The following DIP2A variants were observed in gnomAD, a reference collection of about 807,000 sequenced individuals.
DIP2A encodes the protein disco-interacting protein 2 homolog A.
In DIP2A, 85 loss-of-function variants were observed where a neutral mutation model predicts 177.4. The ratio of observed to expected loss-of-function variants is 0.48; its 90% confidence interval spans 0.40 to 0.57. The LOEUF is 0.57. DIP2A is among the 20% of genes least tolerant of loss of function. DIP2A has a pLI of 0.00. For missense variants in DIP2A, 1,791 were observed against 2,100.2 expected (o/e 0.85, Z 2.88); for synonymous variants, 886 against 881.8 (o/e 1.00, Z -0.08).
chr21:46,504,612 C>T lies in DIP2A; in HGVS notation c.784+123C>T, dbSNP rs548988027. 3.6e-4 allele frequency: 429 copies of T among 1,203,556 alleles called. 5 individuals carry two copies. The South Asian group carries it at 4.2e-3, about 12-fold the overall frequency. 74.6% of individuals were successfully genotyped at this position (1,203,556 alleles called of 1,614,324 possible). On this transcript the variant is annotated intron_variant, in intron 6 of 37. Transcript: ENST00000417564. ...AGCCAAACGTCAGTTTTAATCCATG[C>T]AGATAAATAGAAACCAGTGTGTGCA...
intron 33 of DIP2A, 138 bp from the exon 34 acceptor site, chr21:46,561,610 T>C: frequency 9.0e-7 from 1 of 1,109,068 alleles, no homozygotes; most frequent in African/African-American, 1.5e-5. Context: ...TCATGGCAGG[T>C]GTGCTGTGGA....
At chr21:46,517,271 G>T (rs2058629449) in intron 8 of DIP2A, among the ~76,000 whole-genome samples, 1 of 151,580 alleles carries the variant, frequency 6.6e-6, no homozygotes. Flanking sequence ...TAGAGATGGG[G>T]TTTCACTGTG....
chr21:46,524,860 T>G (rs1986907838), intron 8 of DIP2A, among the ~76,000 whole-genome samples: 1 of 147,092 alleles, frequency 6.8e-6, no homozygotes, highest in Admixed American at 7.1e-5. Context: ...CTTTTATGAT[T>G]TTTGCTTTTT....
At chr21:46,538,357 G>A in intron 15 of DIP2A, 126 bp from the exon 16 acceptor site, 1 of 1,346,772 alleles carries the variant, frequency 7.4e-7, no homozygotes, top group Non-Finnish European at 9.8e-7. Flanking sequence ...TTGTGACCTG[G>A]GAGCTAAGTG....
At chr21:46,544,742 A>C (rs2059958770) in intron 18 of DIP2A, among the ~76,000 whole-genome samples, 3 of 152,208 alleles carry the variant, frequency 2.0e-5, no homozygotes. Flanking sequence ...GCTCTGGAGC[A>C]GGAGATGGTG....
In DIP2A at chr21:46,553,985, G is replaced by A. The variant is rs543878014; in HGVS notation, c.3031-184G>A. ...TCGAGACCAGCCTGGCCAACATGGT[G>A]AAACCCCATCTCTACCAAAAAAAAG... On this transcript the variant is annotated intron_variant, in intron 25 of 37. Coordinates refer to ENST00000417564, the MANE Select transcript of DIP2A (RefSeq NM_015151.4). 192 of 697,472 alleles carry A rather than the reference G, an allele frequency of 2.8e-4. 1 individual carries two copies. Among genetic ancestry groups the A allele is most frequent in the Non-Finnish European group, 3.9e-4 (181 of 463,072 alleles). 43.2% of individuals were successfully genotyped at this position (697,472 alleles called of 1,614,324 possible). A position where few individuals can be genotyped will look rare whatever the true frequency, so the allele number is the denominator to read the frequency against.
intron 11 of DIP2A, 41 bp downstream of exon 11, chr21:46,533,688 T>A: frequency 6.2e-7 from 1 of 1,612,880 alleles, no homozygotes; most frequent in South Asian, 1.1e-5. Flanking sequence ...GTTCTGACTG[T>A]GGTCTGTGTT....
At chr21:46,574,128 T>C (rs927031213), downstream of DIP2A, among the ~76,000 whole-genome samples, 2 of 152,128 alleles carry the variant, frequency 1.3e-5, no homozygotes, top group African/African-American at 4.8e-5. Flanking sequence ...TCTCAATAGA[T>C]TTAAAAATAT....
Position 46,537,681 on chromosome 21 carries a change from C to A in DIP2A, c.1801+142C>A, listed in dbSNP as rs761808465. ...AGCTGTGGGACGTCTTTCTTGGTCACACCCCTGCCCAGGAATATGGGGGCT... is the reference window on the plus strand; with the variant it reads ...AGCTGTGGGACGTCTTTCTTGGTCAAACCCCTGCCCAGGAATATGGGGGCT... On this transcript the variant is annotated intron_variant, in intron 15 of 37. Coordinates refer to ENST00000417564, the MANE Select transcript of DIP2A (RefSeq NM_015151.4). This position sits in a 1 kb window ranked among gnomAD's most constrained non-coding sequence, Gnocchi z 4.1. 44 of 799,610 alleles carry A rather than the reference C, an allele frequency of 5.5e-5. No homozygotes were observed. The highest frequency in any genetic ancestry group is 8.4e-5 in the Non-Finnish European group (42 of 500,762). The allele number at this position is 799,610 out of a possible 1,614,324, so 49.5% of individuals were successfully genotyped here.
the DIP2A span, among the ~76,000 whole-genome samples, chr21:46,575,066 A>G: frequency 6.6e-6 from 1 of 152,116 alleles, no homozygotes; most frequent in East Asian, 1.9e-4. Flanking sequence ...GCATATTAAA[A>G]ACACTATATA....
intron 2 of DIP2A, among the ~76,000 whole-genome samples, chr21:46,486,319 T>G (rs1394191447): frequency 6.6e-6 from 1 of 152,114 alleles, no homozygotes; most frequent in Non-Finnish European, 1.5e-5. Context: ...GTCCTCTCAC[T>G]TCAGCCTCCT....
the DIP2A span, among the ~76,000 whole-genome samples, chr21:46,579,089 G>C: frequency 6.6e-6 from 1 of 152,028 alleles, no homozygotes; most frequent in Admixed American, 6.6e-5. Context: ...TCTGGTCCTG[G>C]GTTTTTTTTG....
At position 46,468,837 on chromosome 21, in the gene DIP2A, G is replaced by C. The variant is rs189677106; in HGVS notation, c.91+9615G>C. Among the ~76,000 whole-genome samples the C allele has an allele frequency of 2.8e-4, 42 of 152,180 alleles. 3 individuals are homozygous for C. Among genetic ancestry groups the C allele is most frequent in the African/African-American group, 9.9e-4 (41 of 41,506 alleles). On this transcript the variant is annotated intron_variant, in intron 1 of 37. Transcript: ENST00000417564. ...TATTAAATATGCACGAGTTCTTATAGGTTAATCATGTCGATTTAAAAAAAG... is the reference window on the plus strand; with the variant it reads ...TATTAAATATGCACGAGTTCTTATACGTTAATCATGTCGATTTAAAAAAAG...
chr21:46,519,143 T>C (rs944612622), intron 8 of DIP2A, among the ~76,000 whole-genome samples: 2 of 152,204 alleles, frequency 1.3e-5, no homozygotes, highest in Admixed American at 6.5e-5. Flanking sequence ...GAGTGTCTTT[T>C]AGCATGCCAA....
intron 28 of DIP2A, 198 bp from the exon 29 acceptor site, chr21:46,555,777 TGGGACCG>T: frequency 3.5e-6 from 2 of 576,398 alleles, no homozygotes; most frequent in South Asian, 2.0e-5. Context: ...GTGGTCTTGG[TGGGACCG>T]GGTAGCGTTT....
chr21:46,478,551 C>CT (rs1432340403), intron 1 of DIP2A, among the ~76,000 whole-genome samples: 1 of 152,166 alleles, frequency 6.6e-6, no homozygotes, highest in African/African-American at 2.4e-5. Context: ...TTGTGATCCA[C>CT]TTGGAGAGAA....
chr21:46,553,983 G>C lies in DIP2A; in HGVS notation c.3031-186G>C, dbSNP rs1371910433. On this transcript the variant is annotated intron_variant, in intron 25 of 37. Coordinates refer to ENST00000417564, the MANE Select transcript of DIP2A (RefSeq NM_015151.4). ...GTTCGAGACCAGCCTGGCCAACATG[G>C]TGAAACCCCATCTCTACCAAAAAAA... 4.0e-5 allele frequency: 27 copies of C among 677,712 alleles called. No homozygotes were observed. In the East Asian group the frequency reaches 1.0e-3, roughly 26 times the overall value. 42.0% of individuals were successfully genotyped at this position (677,712 alleles called of 1,614,324 possible).
At chr21:46,582,435 G>A in the DIP2A span, among the ~76,000 whole-genome samples, 5 of 152,218 alleles carry the variant, frequency 3.3e-5, no homozygotes, top group African/African-American at 1.2e-4. Flanking sequence ...TGGGACCCAA[G>A]GCTCTGGTGG....
chr21:46,549,447 A>G (rs2060186786), intron 21 of DIP2A, among the ~76,000 whole-genome samples: 2 of 152,290 alleles, frequency 1.3e-5, no homozygotes, highest in Admixed American at 6.5e-5. Context: ...AAAAAAATAT[A>G]ATAAATAGAA....
Sources: allele counts gnomAD v4.1 joint callset (sites outside exome capture counted in the v4.1 genomes callset), GRCh38; gene constraint gnomAD v4.1.1; non-coding constraint Gnocchi (gnomAD v3.1); transcripts MANE v1.5; gene names NCBI Gene and HGNC (gene_info 2026-07-23, HGNC 2026-07-21).